The following GATAD2B variants were observed in gnomAD, a reference collection of about 807,000 sequenced individuals.
The protein encoded by GATAD2B is GATA zinc finger domain containing 2B.
Under a neutral mutation model 64.3 loss-of-function variants are expected in GATAD2B, and 8 were observed. The observed-to-expected ratio is 0.12, with a 90% CI of 0.07 to 0.22. The LOEUF (loss-of-function observed/expected upper bound fraction) is 0.22, where lower values mean the gene tolerates loss of function less well. Ranked by LOEUF, GATAD2B falls within the 10% of genes least tolerant of loss-of-function variation. GATAD2B has a pLI of 1.00. For synonymous variants in GATAD2B, 281 were observed against 271.3 expected, an observed-to-expected ratio of 1.04 and a Z score of -0.35; for missense variants, 453 against 752.0, an observed-to-expected ratio of 0.60 and a Z score of 4.65.
At chr1:153,915,971 G>A (rs1162986258) in intron 1 of GATAD2B, among the ~76,000 whole-genome samples, 1 of 152,136 alleles carries the variant, frequency 6.6e-6, no homozygotes, top group African/African-American at 2.4e-5. Flanking sequence ...AAGGCACGAT[G>A]ATAGAGAGTT....
intron 1 of GATAD2B, among the ~76,000 whole-genome samples, chr1:153,912,804 C>A (rs1430001910): frequency 6.6e-6 from 1 of 152,024 alleles, no homozygotes; most frequent in Non-Finnish European, 1.5e-5. Flanking sequence ...CTTTATAAGA[C>A]AGGACAGGCT....
chr1:153,861,809 T>TATATACACAC lies in GATAD2B; in HGVS notation c.-1-33462_-1-33461insGTGTGTATAT, dbSNP rs1294838675. On this transcript the variant is annotated intron_variant, in intron 1 of 10. Transcript: ENST00000368655. ...AAAAAAAAAAAAATATATATATATA[T>TATATACACAC]ACACATATGTATATATATGTATATG... Among the ~76,000 whole-genome samples, 110 of 122,070 alleles carry TATATACACAC rather than the reference T, an allele frequency of 9.0e-4. 1 individual carries two copies. The highest frequency in any genetic ancestry group is 3.2e-3 in the African/African-American group (108 of 33,400). The allele number at this position is 122,070 out of a possible 152,430, so 80.1% of individuals were successfully genotyped here. A position where few individuals can be genotyped will look rare whatever the true frequency, so the allele number is the denominator to read the frequency against.
chr1:153,862,416 C>G (rs1277741897), intron 1 of GATAD2B, among the ~76,000 whole-genome samples: 2 of 152,056 alleles, frequency 1.3e-5, no homozygotes, highest in African/African-American at 4.8e-5. Context: ...AGCCATCACT[C>G]CCAGCCTTTA....
intron 1 of GATAD2B, among the ~76,000 whole-genome samples, chr1:153,898,115 G>A (rs1379546537): frequency 6.6e-6 from 1 of 150,954 alleles, no homozygotes; most frequent in Non-Finnish European, 1.5e-5. Context: ...ATCAGCCTAT[G>A]CAACACGGTA....
chr1:153,864,202 T>C (rs753914515), intron 1 of GATAD2B, among the ~76,000 whole-genome samples: 1 of 152,160 alleles, frequency 6.6e-6, no homozygotes, highest in Non-Finnish European at 1.5e-5. Context: ...TGAGGACAGT[T>C]GGGAGAAAGT....
At chr1:153,902,470 T>C (rs1347158374) in intron 1 of GATAD2B, among the ~76,000 whole-genome samples, 1 of 152,116 alleles carries the variant, frequency 6.6e-6, no homozygotes, top group African/African-American at 2.4e-5. Flanking sequence ...ATTCCTTTTT[T>C]TGAGACAGGG....
chr1:153,841,165 A>C lies in GATAD2B; in HGVS notation c.-1-12817T>G, dbSNP rs185247884. Among the ~76,000 whole-genome samples, 4 of 151,660 alleles carry C rather than the reference A, an allele frequency of 2.6e-5. No individual in the cohort carries two copies. In the East Asian group the frequency reaches 7.7e-4, roughly 29 times the overall value. ...AAGAAAAAAAGAAAAAAAAAGATGG[A>C]GATAAAGAAGATCTCATGTACCCTT... is the stretch of plus-strand genomic sequence containing the variant. On this transcript the variant is annotated intron_variant, in intron 1 of 10. Coordinates refer to ENST00000368655, the MANE Select transcript of GATAD2B (RefSeq NM_020699.4).
At chr1:153,889,413 CAAAAAAAA>C (rs71093299) in intron 1 of GATAD2B, among the ~76,000 whole-genome samples, 2 of 67,908 alleles carry the variant, frequency 2.9e-5, no homozygotes, top group South Asian at 6.2e-4. Flanking sequence ...ACCCCGTCTC[CAAAAAAAA>C]AAAAAAAAAA....
intron 1 of GATAD2B, among the ~76,000 whole-genome samples, chr1:153,834,631 C>T (rs891061509): frequency 6.6e-6 from 1 of 152,102 alleles, no homozygotes; most frequent in Non-Finnish European, 1.5e-5. Flanking sequence ...CTCAGGTGAT[C>T]TGCCTGCCTC....
At chr1:153,859,311 G>A (rs1217408301) in intron 1 of GATAD2B, among the ~76,000 whole-genome samples, 1 of 151,380 alleles carries the variant, frequency 6.6e-6, no homozygotes, top group Non-Finnish European at 1.5e-5. Flanking sequence ...AGTCTGTAGT[G>A]AGCCATGATT....
At chr1:153,859,808 C>A (rs375062946) in intron 1 of GATAD2B, among the ~76,000 whole-genome samples, 1 of 151,612 alleles carries the variant, frequency 6.6e-6, no homozygotes. Context: ...CCTTTAATAG[C>A]GTCCTAGTTT....
chr1:153,895,397 A>G (rs184394788), intron 1 of GATAD2B, among the ~76,000 whole-genome samples: 250 of 152,042 alleles, frequency 1.6e-3, no homozygotes, highest in Non-Finnish European at 3.5e-4. Context: ...CCTTGGCTTA[A>G]TGCTGATGAC....
chr1:153,882,449 A>G lies in GATAD2B; in HGVS notation c.-2+40284T>C, dbSNP rs142669092. Among the ~76,000 whole-genome samples the G allele has an allele frequency of 2.0e-4, 30 of 152,258 alleles. 1 individual carries two copies. Among genetic ancestry groups the G allele is most frequent in the African/African-American group, 7.2e-4 (30 of 41,536 alleles). ...TTCCTGAAGCTGTCCCACAGATAGG[A>G]CATCTGATTTAACCCGATCCATTGA... is the stretch of plus-strand genomic sequence containing the variant. On this transcript the variant is annotated intron_variant, in intron 1 of 10. Transcript: ENST00000368655.
In GATAD2B at chr1:153,825,023, T is replaced by C. The variant is rs182641744; in HGVS notation, c.335+2990A>G. ...ATTGCTTGAGCCTGGGAGGTGGAGG[T>C]TGCAGTGAACGGACATCATGCCACA... On this transcript the variant is annotated intron_variant, in intron 2 of 10. Coordinates refer to ENST00000368655, the MANE Select transcript of GATAD2B (RefSeq NM_020699.4). Among the ~76,000 whole-genome samples, 7 of 151,700 alleles carry C rather than the reference T, an allele frequency of 4.6e-5. No individual in the cohort carries two copies. In the East Asian group the frequency reaches 1.4e-3, roughly 30 times the overall value.
chr1:153,816,513 G>A lies in GATAD2B; in HGVS notation c.976C>T (p.Pro326Ser), dbSNP rs899941973. The A allele has an allele frequency of 1.9e-6, 3 of 1,613,474 alleles. No homozygotes were observed. Among genetic ancestry groups the A allele is most frequent in the Non-Finnish European group, 2.5e-6 (3 of 1,179,360 alleles). The stretch of plus-strand genomic sequence containing the variant: ...GAGGACACTCTGTTCACCGTCCCTG[G>A]CTGGATATGAGAAGCAAGGTTCATA... The part of the protein sequence containing the change: ...IYMNLASHIQ[P>S]GTVNRVSSPL... Residue 326 changes from proline to serine, a missense_variant, in exon 7 of 11, where the codon CCA (proline) becomes TCA (serine). Transcript: ENST00000368655. This position sits in a 1 kb window ranked among gnomAD's most constrained non-coding sequence, Gnocchi z 4.9.
intron 1 of GATAD2B, among the ~76,000 whole-genome samples, chr1:153,862,116 TC>T (rs1241028382): frequency 4.9e-4 from 67 of 135,558 alleles, no homozygotes; most frequent in African/African-American, 1.7e-3. Context: ...ATACATTATA[TC>T]CTTTTTTTTT....
chr1:153,868,412 C>T (rs1378187697), intron 1 of GATAD2B, among the ~76,000 whole-genome samples: 1 of 151,390 alleles, frequency 6.6e-6, no homozygotes, highest in African/African-American at 2.4e-5. Context: ...CTCATAGCTG[C>T]CTCTGCATTC....
chr1:153,882,583 GTTATGTATATT>G lies in GATAD2B; in HGVS notation c.-2+40139_-2+40149del, dbSNP rs140320085. Among the ~76,000 whole-genome samples the G allele has an allele frequency of 6.2e-3, 943 of 152,258 alleles. 14 individuals are homozygous for G. Among genetic ancestry groups the G allele is most frequent in the African/African-American group, 0.022 (906 of 41,554 alleles). On this transcript the variant is annotated intron_variant, in intron 1 of 10. Coordinates refer to ENST00000368655, the MANE Select transcript of GATAD2B (RefSeq NM_020699.4). ...TTCTTTAAAAACAGCTTAGGCCTTTGTTATGTATATTTTACTGCAATTTAAAAATTTTTTAA... is the reference window on the plus strand; with the variant it reads ...TTCTTTAAAAACAGCTTAGGCCTTTGTTACTGCAATTTAAAAATTTTTTAA...
intron 1 of GATAD2B, among the ~76,000 whole-genome samples, chr1:153,861,124 G>A (rs1404036369): frequency 6.6e-6 from 1 of 152,150 alleles, no homozygotes; most frequent in Non-Finnish European, 1.5e-5. Flanking sequence ...TCGGAAGAAA[G>A]GGTAATCTAA....
Sources: allele counts gnomAD v4.1 joint callset (sites outside exome capture counted in the v4.1 genomes callset), GRCh38; gene constraint gnomAD v4.1.1; non-coding constraint Gnocchi (gnomAD v3.1); transcripts MANE v1.5; gene names NCBI Gene and HGNC (gene_info 2026-07-23, HGNC 2026-07-21).